AKAP6: variants seen among roughly 807,000 people sequenced by gnomAD.
AKAP6 encodes the protein A-kinase anchor protein 6.
A neutral mutation model predicts 188.5 loss-of-function variants in AKAP6; 58 were observed. The ratio of observed to expected loss-of-function variants is 0.31; its 90% CI spans 0.25 to 0.38. The LOEUF (loss-of-function observed/expected upper bound fraction) is 0.38. AKAP6 is among the 10% of genes least tolerant of loss of function. The pLI, the probability that AKAP6 is intolerant of heterozygous loss-of-function variation, is 1.00. For missense variants in AKAP6, 2,710 were observed against 2,740.0 expected (o/e 0.99, Z 0.24); for synonymous variants, 989 against 998.6 (o/e 0.99, Z 0.18).
At chr14:32,493,268 G>C (rs1036917936) in intron 2 of AKAP6, among the ~76,000 whole-genome samples, 1 of 152,058 alleles carries the variant, frequency 6.6e-6, no homozygotes, top group Non-Finnish European at 1.5e-5. Context: ...GTATACTGGT[G>C]CGATCACGGT....
intron 1 of AKAP6, among the ~76,000 whole-genome samples, chr14:32,355,427 A>T (rs1407944784): frequency 1.4e-5 from 1 of 72,910 alleles, no homozygotes; most frequent in African/African-American, 8.3e-5. Context: ...TCTTGTTCTC[A>T]TCCCAGATGT....
rs117011694 is a variant in AKAP6 at position 32,329,690 on chromosome 14, A to G, written c.-35+282A>G. On this transcript the variant is annotated intron_variant, in intron 1 of 13. Coordinates refer to ENST00000280979, the MANE Select transcript of AKAP6 (RefSeq NM_004274.5). ...AACATAAGATGATTTTTCAATTGCA[A>G]AACCCCAGATAAGCTTTAAAATGAG... is the stretch of plus-strand genomic sequence containing the variant. Among the ~76,000 whole-genome samples, 173 of 152,240 alleles carry G rather than the reference A, an allele frequency of 1.1e-3. 3 individuals carry two copies. The East Asian group carries it at 0.032, about 28-fold the overall frequency.
chr14:32,748,829 C>T (rs2032014275), intron 11 of AKAP6, among the ~76,000 whole-genome samples: 1 of 152,150 alleles, frequency 6.6e-6, no homozygotes, highest in Non-Finnish European at 1.5e-5. Flanking sequence ...CAAGGCGGCA[C>T]ACCATTTACT....
chr14:32,756,057 C>T (rs1187403262), intron 11 of AKAP6, among the ~76,000 whole-genome samples: 4 of 152,218 alleles, frequency 2.6e-5, no homozygotes, highest in Admixed American at 2.6e-4. Flanking sequence ...CATGGCCAGG[C>T]TGGCCTGCTA....
chr14:32,429,637 C>T (rs1890150331), intron 1 of AKAP6, among the ~76,000 whole-genome samples: 1 of 152,174 alleles, frequency 6.6e-6, no homozygotes, highest in African/African-American at 2.4e-5. Flanking sequence ...GACACATATA[C>T]CATTCTTTTC....
intron 12 of AKAP6, among the ~76,000 whole-genome samples, chr14:32,786,298 CTTTTTTT>C (rs1162974012): frequency 4.2e-4 from 35 of 82,556 alleles, no homozygotes; most frequent in Admixed American, 1.1e-3. Flanking sequence ...AAACCTTTAT[CTTTTTTT>C]TTTTTTTTTT....
At chr14:32,401,495 CAG>C (rs1889090787) in intron 1 of AKAP6, among the ~76,000 whole-genome samples, 1 of 152,162 alleles carries the variant, frequency 6.6e-6, no homozygotes, top group South Asian at 2.1e-4. Context: ...CAATCTCACC[CAG>C]CCCTCTGGGA....
chr14:32,454,657 CTCCT>C (rs1566511994), intron 2 of AKAP6, among the ~76,000 whole-genome samples: 1 of 40,462 alleles, frequency 2.5e-5, no homozygotes, highest in Non-Finnish European at 4.2e-5. Flanking sequence ...CCTTCCCTCT[CTCCT>C]TCCCTCCTTC....
intron 8 of AKAP6, among the ~76,000 whole-genome samples, chr14:32,695,320 G>T (rs1890358215): frequency 6.6e-6 from 1 of 152,108 alleles, no homozygotes; most frequent in Non-Finnish European, 1.5e-5. Context: ...GTGTTAAGCT[G>T]AAATGCTGAC....
At chr14:32,419,600 A>C (rs924046832) in intron 1 of AKAP6, among the ~76,000 whole-genome samples, 4 of 152,124 alleles carry the variant, frequency 2.6e-5, no homozygotes, top group African/African-American at 7.2e-5. Flanking sequence ...CAATATATCT[A>C]CTCATGGGGC....
rs954694015 is a variant in AKAP6, at chr14:32,823,670, G to T, written c.5857G>T (p.Val1953Phe). Residue 1953 changes from valine to phenylalanine, a missense_variant, in exon 13 of 14, where the codon GTT becomes TTT. By Grantham distance (50) the Val-to-Phe change is conservative. Transcript: ENST00000280979. ...DDSNTAGKEFVSQDVRHLPKK... is the reference protein window; with the variant it reads ...DDSNTAGKEFFSQDVRHLPKK... The stretch of plus-strand genomic sequence containing the variant: ...TTCAAATACTGCTGGCAAGGAATTT[G>T]TTTCCCAAGATGTTAGACATCTTCC... The T allele has an allele frequency of 6.2e-7, 1 of 1,613,834 alleles. No homozygotes were observed.
At chr14:32,449,258 A>C (rs1890853361) in intron 2 of AKAP6, among the ~76,000 whole-genome samples, 2 of 152,194 alleles carry the variant, frequency 1.3e-5, no homozygotes, top group Admixed American at 1.3e-4. Flanking sequence ...CTGTAACCCC[A>C]GCACTTTGGG....
At chr14:32,814,972 G>T (rs896513415) in intron 12 of AKAP6, among the ~76,000 whole-genome samples, 5 of 152,308 alleles carry the variant, frequency 3.3e-5, no homozygotes, top group African/African-American at 1.2e-4. Context: ...AGACAGGACA[G>T]TCAGAGTACC....
chr14:32,451,965 T>C lies in AKAP6; in HGVS notation c.324+18148T>C, dbSNP rs150033659. Reference sequence around the variant, plus strand: ...GTGGCCATATTTCTACTTTACCAACTATAACTCTATGCTATCATTTTTCTT... The same window carrying C: ...GTGGCCATATTTCTACTTTACCAACCATAACTCTATGCTATCATTTTTCTT... On this transcript the variant is annotated intron_variant, in intron 2 of 13. Transcript: ENST00000280979. 5.3e-5 allele frequency among the ~76,000 whole-genome samples: 8 copies of C among 150,464 alleles called. No homozygotes were observed. The East Asian group carries it at 1.6e-3, about 30-fold the overall frequency.
chr14:32,640,386 C>T (rs1272965087), intron 7 of AKAP6, among the ~76,000 whole-genome samples: 1 of 151,952 alleles, frequency 6.6e-6, no homozygotes, highest in Non-Finnish European at 1.5e-5. Context: ...AAAATCACTC[C>T]AGAGCTTTGA....
chr14:32,647,548 T>C (rs1227043386), intron 7 of AKAP6, among the ~76,000 whole-genome samples: 1 of 152,162 alleles, frequency 6.6e-6, no homozygotes, highest in East Asian at 1.9e-4. Context: ...AAGTGGCATC[T>C]TCAGCTTTTA....
At chr14:32,692,016 T>G (rs1890201189) in intron 8 of AKAP6, among the ~76,000 whole-genome samples, 1 of 152,360 alleles carries the variant, frequency 6.6e-6, no homozygotes, top group Non-Finnish European at 1.5e-5. Context: ...TTGTGAGAAT[T>G]TGTTGTTTAG....
chr14:32,516,903 A>T (rs1881551262), intron 2 of AKAP6, among the ~76,000 whole-genome samples: 1 of 152,240 alleles, frequency 6.6e-6, no homozygotes, highest in Non-Finnish European at 1.5e-5. Context: ...CTTCTTAGAA[A>T]AATATCTGAT....
chr14:32,487,911 A>T (rs1470038572), intron 2 of AKAP6, among the ~76,000 whole-genome samples: 2 of 152,246 alleles, frequency 1.3e-5, no homozygotes, highest in Non-Finnish European at 1.5e-5. Flanking sequence ...CTTCCTCTGG[A>T]AGCTTCGTCC....
Sources: allele counts gnomAD v4.1 joint callset (sites outside exome capture counted in the v4.1 genomes callset), GRCh38; gene constraint gnomAD v4.1.1; transcripts MANE v1.5; gene names NCBI Gene and HGNC (gene_info 2026-07-23, HGNC 2026-07-21).